Variants in RIMS1 observed in about 807,000 individuals in gnomAD.
RIMS1 encodes regulating synaptic membrane exocytosis 1.
Under a neutral mutation model 214.1 loss-of-function variants are expected in RIMS1, and 83 were observed. That is an observed-to-expected ratio of 0.39 (90% CI 0.32 to 0.47). The LOEUF (loss-of-function observed/expected upper bound fraction) is 0.47, where lower values mean the gene tolerates loss of function less well. Ranked by LOEUF, RIMS1 falls within the 20% of genes least tolerant of loss-of-function variation. The pLI, the probability that RIMS1 is intolerant of heterozygous loss-of-function variation, is 0.99. For synonymous variants in RIMS1, 793 were observed against 786.8 expected, an observed-to-expected ratio of 1.01 and a Z score of -0.13; for missense variants, 2,050 against 2,161.8, an observed-to-expected ratio of 0.95 and a Z score of 1.03.
rs545824410 is a variant in RIMS1, at chr6:72,250,988, G to A, written c.2440G>A (p.Val814Ile). The change falls in exon 14 of 34, where the codon GTC becomes ATC. Residue 814 changes from valine (V) to isoleucine (I), a missense_variant. Coordinates refer to ENST00000521978, the MANE Select transcript of RIMS1 (RefSeq NM_014989.7). ...AGAACCAAAATGGAATCAAACTTTTGTCTATTCACATGTACATCGTAGAGA... is the reference window on the plus strand; with the variant it reads ...AGAACCAAAATGGAATCAAACTTTTATCTATTCACATGTACATCGTAGAGA... Reference protein sequence around the residue: ...ILEPKWNQTFVYSHVHRRDFR... With the variant: ...ILEPKWNQTFIYSHVHRRDFR... 13 of 1,555,692 alleles carry A rather than the reference G, an allele frequency of 8.4e-6. No individual in the cohort carries two copies. The South Asian group carries it at 1.6e-4, about 19-fold the overall frequency.
chr6:71,958,684 G>A (rs907487704), intron 1 of RIMS1, among the ~76,000 whole-genome samples: 4 of 152,132 alleles, frequency 2.6e-5, no homozygotes, highest in African/African-American at 9.7e-5. Context: ...TACATGACAG[G>A]TAATGGGAGG....
intron 31 of RIMS1, among the ~76,000 whole-genome samples, chr6:72,394,414 T>A (rs1416018518): frequency 6.6e-6 from 1 of 152,028 alleles, no homozygotes; most frequent in African/African-American, 2.4e-5. Context: ...AATATAAATA[T>A]TAATATTGGG....
chr6:71,946,487 G>A (rs990900084), intron 1 of RIMS1, among the ~76,000 whole-genome samples: 3 of 152,064 alleles, frequency 2.0e-5, no homozygotes, highest in Non-Finnish European at 4.4e-5. Flanking sequence ...ATGCATTTAT[G>A]GTCAATTTGT....
intron 4 of RIMS1, among the ~76,000 whole-genome samples, chr6:72,141,087 T>C (rs2042027012): frequency 6.6e-6 from 1 of 152,036 alleles, no homozygotes; most frequent in African/African-American, 2.4e-5. Flanking sequence ...TCCAACAATA[T>C]TTTGATAGAC....
chr6:72,120,283 G>A (rs2037985217), intron 4 of RIMS1, among the ~76,000 whole-genome samples: 1 of 151,766 alleles, frequency 6.6e-6, no homozygotes, highest in Non-Finnish European at 1.5e-5. Flanking sequence ...GTGTAAAAGT[G>A]TTCCTATTTC....
chr6:72,075,770 A>T (rs531247316), intron 2 of RIMS1, among the ~76,000 whole-genome samples: 9 of 152,350 alleles, frequency 5.9e-5, no homozygotes, highest in African/African-American at 2.2e-4. Context: ...TTCAGTCCAT[A>T]ACACTGAGGG....
intron 4 of RIMS1, among the ~76,000 whole-genome samples, chr6:72,116,681 A>G (rs904212431): frequency 1.4e-4 from 21 of 152,034 alleles, no homozygotes; most frequent in African/African-American, 4.1e-4. Flanking sequence ...TTATGCCTCT[A>G]TATAGCCATA....
intron 2 of RIMS1, among the ~76,000 whole-genome samples, chr6:71,984,437 A>G (rs1711780443): frequency 2.0e-5 from 3 of 152,124 alleles, no homozygotes; most frequent in South Asian, 4.1e-4. Context: ...CAAATGCACA[A>G]TCTTATGAAA....
intron 19 of RIMS1, chr6:72,261,900 G>A (rs1375505652): frequency 1.0e-6 from 1 of 985,040 alleles, no homozygotes; most frequent in African/African-American, 1.7e-5. Flanking sequence ...CATGCATATT[G>A]TAAAAACCTA....
At chr6:71,910,705 A>G (rs566796711) in intron 1 of RIMS1, among the ~76,000 whole-genome samples, 6 of 152,254 alleles carry the variant, frequency 3.9e-5, no homozygotes, top group African/African-American at 1.4e-4. Flanking sequence ...TGCCTCTGGC[A>G]GAGTGCACAC....
intron 2 of RIMS1, among the ~76,000 whole-genome samples, chr6:72,029,213 T>G (rs528454163): frequency 3.7e-4 from 56 of 152,324 alleles, no homozygotes; most frequent in South Asian, 8.3e-4. Context: ...TTGAGGTTTT[T>G]GGTCAAATGC....
intron 1 of RIMS1, among the ~76,000 whole-genome samples, chr6:71,952,493 C>T (rs557812145): frequency 2.3e-4 from 35 of 152,218 alleles, no homozygotes; most frequent in African/African-American, 8.2e-4. Flanking sequence ...TCGGGAAATT[C>T]GTGAGGCCCT....
At chr6:72,362,553 TA>T (rs570707337) in intron 29 of RIMS1, among the ~76,000 whole-genome samples, 1 of 151,870 alleles carries the variant, frequency 6.6e-6, no homozygotes, top group Non-Finnish European at 1.5e-5. Flanking sequence ...AATACAAATT[TA>T]AAAAAAAGCA....
At chr6:72,161,936 A>G (rs1162690291) in intron 4 of RIMS1, among the ~76,000 whole-genome samples, 3 of 140,470 alleles carry the variant, frequency 2.1e-5, no homozygotes, top group African/African-American at 4.9e-5. Context: ...CAATTCCTGG[A>G]TATCCTTGTT....
At chr6:72,027,800 A>G (rs1039109376) in intron 2 of RIMS1, among the ~76,000 whole-genome samples, 1 of 152,018 alleles carries the variant, frequency 6.6e-6, no homozygotes, top group Non-Finnish European at 1.5e-5. Flanking sequence ...GAAATTAGAA[A>G]CTCAAGGATT....
chr6:72,010,784 C>A (rs574839167), intron 2 of RIMS1, among the ~76,000 whole-genome samples: 347 of 152,138 alleles, frequency 2.3e-3, no homozygotes, highest in African/African-American at 7.6e-3. Context: ...ATGTGAAGGA[C>A]CTCTTCAAGG....
At chr6:72,356,098 A>G (rs2097631364) in intron 29 of RIMS1, among the ~76,000 whole-genome samples, 1 of 152,206 alleles carries the variant, frequency 6.6e-6, no homozygotes, top group Non-Finnish European at 1.5e-5. Context: ...AACATTATAT[A>G]TCCAGTCAGT....
intron 6 of RIMS1, among the ~76,000 whole-genome samples, chr6:72,205,427 G>A (rs899249830): frequency 6.6e-6 from 1 of 152,132 alleles, no homozygotes; most frequent in Non-Finnish European, 1.5e-5. Flanking sequence ...GGGCTGCCAA[G>A]ACAGCTCTTT....
At position 72,346,060 on chromosome 6, in the gene RIMS1, G is replaced by A. The variant is rs543358094; in HGVS notation, c.4366+12225G>A. Among the ~76,000 whole-genome samples the A allele has an allele frequency of 2.3e-3, 348 of 151,800 alleles. 3 individuals are homozygous for A. The highest frequency in any genetic ancestry group is 7.1e-3 in the African/African-American group (295 of 41,492). On this transcript the variant is annotated intron_variant, in intron 29 of 33. Coordinates refer to ENST00000521978, the MANE Select transcript of RIMS1 (RefSeq NM_014989.7). The stretch of plus-strand genomic sequence containing the variant: ...TCCTGCAGAAAACAAAAAGTTAAAG[G>A]TCCTTTTTGACCCTCCATTTTCGCA...
Sources: gnomAD v4.1 joint callset for allele counts (sites outside exome capture counted in the v4.1 genomes callset) on GRCh38, gnomAD v4.1.1 for gene constraint, MANE v1.5 for transcripts, NCBI Gene and HGNC (gene_info 2026-07-23, HGNC 2026-07-21) for gene names.